The following CENPI variants were observed in gnomAD, a reference collection of about 807,000 sequenced individuals.
CENPI encodes the protein centromere protein I, also known as FSH primary response 1.
Under a neutral mutation model 60.4 loss-of-function variants are expected in CENPI, and 4 were observed. The observed-to-expected ratio is 0.07, with a 90% confidence interval of 0.03 to 0.15. CENPI has a LOEUF of 0.15. Ranked by LOEUF, CENPI falls within the 10% of genes least tolerant of loss-of-function variation. The probability of loss-of-function intolerance (pLI) is 1.00; values close to 1 mark genes in which losing one functional copy is unlikely to be tolerated. For synonymous variants in CENPI, 157 were observed against 189.4 expected (o/e 0.83, Z 1.40); for missense variants, 444 against 534.5 (o/e 0.83, Z 1.67).
At chrX:101,099,600 A>G (rs1035277071) in intron 2 of CENPI, among the ~76,000 whole-genome samples, 3 of 109,240 alleles carry the variant, frequency 2.7e-5, no homozygotes, top group Middle Eastern at 4.7e-3. Context: ...TTCTCTCTCC[A>G]TGAAATACTC....
chrX:101,105,779 G>A (rs192455171), intron 4 of CENPI, among the ~76,000 whole-genome samples: 1 of 111,453 alleles, frequency 9.0e-6, no homozygotes, highest in African/African-American at 3.3e-5. Context: ...AGGTTATCTT[G>A]ATGTCTGCTA....
chrX:101,180,705 C>G, the CENPI span, among the ~76,000 whole-genome samples: 1 of 111,719 alleles, frequency 9.0e-6, no homozygotes, highest in Non-Finnish European at 1.9e-5. Context: ...TCATTGTTTT[C>G]TTCTGAGAGT....
At position 101,165,636 on chromosome X, in the gene CENPI, A is replaced by C. The variant is rs942178148; in HGVS notation, c.*2669A>C. ...ACCATGACTTTGGATGAGATCACCT[A>C]GTACAGCTAGAGAAGAGAAGGTAGC... On this transcript the variant is annotated 3_prime_UTR_variant, in exon 22 of 22. Coordinates refer to ENST00000682095, the MANE Select transcript of CENPI (RefSeq NM_001386188.2). 2.7e-5 allele frequency among the ~76,000 whole-genome samples: 3 copies of C among 111,587 alleles called. No homozygotes were observed. The highest frequency in any genetic ancestry group is 9.8e-5 in the African/African-American group (3 of 30,733).
chrX:101,123,410 A>G (rs1006333003), intron 8 of CENPI, among the ~76,000 whole-genome samples: 3 of 110,884 alleles, frequency 2.7e-5, no homozygotes, highest in Non-Finnish European at 5.7e-5. Flanking sequence ...CAATCTTTAG[A>G]ACAAGAAGGG....
intron 2 of CENPI, 114 bp downstream of exon 2, chrX:101,098,653 A>G (rs750302076): frequency 9.0e-6 from 1 of 111,303 alleles, no homozygotes; most frequent in South Asian, 3.8e-4. Context: ...ATCACGGCCT[A>G]CTTTGTCTAA....
the CENPI span, among the ~76,000 whole-genome samples, chrX:101,179,758 G>T: frequency 8.9e-6 from 1 of 112,529 alleles, no homozygotes; most frequent in East Asian, 2.8e-4. Flanking sequence ...CTGACCTGGT[G>T]ATCTGCCCGC....
intron 18 of CENPI, among the ~76,000 whole-genome samples, chrX:101,147,368 A>G (rs138786997): frequency 0.012 from 1,285 of 110,136 alleles, 7 homozygotes; most frequent in Middle Eastern, 0.084. Flanking sequence ...ATTTGTCTCA[A>G]TGCTCTTCCT....
At chrX:101,142,227 A>T (rs747867314) in intron 16 of CENPI, among the ~76,000 whole-genome samples, 42 of 111,930 alleles carry the variant, frequency 3.8e-4, no homozygotes, top group African/African-American at 1.3e-3. Context: ...CTGCCTTACA[A>T]TTTCTGTATT....
the CENPI span, among the ~76,000 whole-genome samples, chrX:101,174,062 C>A: frequency 4.5e-5 from 5 of 111,942 alleles, no homozygotes; most frequent in Admixed American, 3.8e-4. Context: ...TCACACCAGT[C>A]AGAATGACTA....
chrX:101,161,454 G>A, intron 20 of CENPI, 74 bp from the exon 21 acceptor site: 4 of 942,147 alleles, frequency 4.2e-6, no homozygotes, highest in Non-Finnish European at 3.0e-6. Context: ...TACTAACCAA[G>A]TATTTCTATC....
rs2090140533 is a variant in CENPI at position 101,165,456 on chromosome X, C to CA, written c.*2490dup. Among the ~76,000 whole-genome samples, 1 of 111,569 alleles carries CA rather than the reference C, an allele frequency of 9.0e-6. No individual in the cohort carries two copies. Among genetic ancestry groups the CA allele is most frequent in the African/African-American group, 3.3e-5 (1 of 30,705 alleles). On this transcript the variant is annotated 3_prime_UTR_variant, in exon 22 of 22. Coordinates refer to ENST00000682095, the MANE Select transcript of CENPI (RefSeq NM_001386188.2). ...AAAAGGAGAGGAGTAAAGGATGACT[C>CA]AGATTTTTGACCTGTCAATTGGGTG...
chrX:101,166,576 T>C (rs1363572752), downstream of CENPI, among the ~76,000 whole-genome samples: 1 of 112,839 alleles, frequency 8.9e-6, no homozygotes, highest in Non-Finnish European at 1.9e-5. Context: ...AAATAAAGAA[T>C]AGCTATTTTG....
At chrX:101,131,213 G>A (rs777788005) in intron 13 of CENPI, among the ~76,000 whole-genome samples, 2 of 110,871 alleles carry the variant, frequency 1.8e-5, no homozygotes, top group Non-Finnish European at 3.8e-5. Context: ...GATTTACCAC[G>A]TTGCCCAGGC....
intron 4 of CENPI, among the ~76,000 whole-genome samples, chrX:101,106,092 T>C (rs1410853561): frequency 2.7e-5 from 3 of 111,517 alleles, no homozygotes; most frequent in African/African-American, 9.8e-5. Flanking sequence ...TTAGACTCTT[T>C]AAAAATTAAG....
At chrX:101,101,869 T>G (rs2089420728) in intron 3 of CENPI, among the ~76,000 whole-genome samples, 1 of 112,746 alleles carries the variant, frequency 8.9e-6, no homozygotes, top group African/African-American at 3.2e-5. Context: ...GGGAAGACAC[T>G]TCTTACATAA....
At chrX:101,155,478 C>T (rs1403348034) in intron 20 of CENPI, among the ~76,000 whole-genome samples, 1 of 111,891 alleles carries the variant, frequency 8.9e-6, no homozygotes, top group Non-Finnish European at 1.9e-5. Context: ...ATGTGAGCCA[C>T]CACACCTGGC....
intron 2 of CENPI, chrX:101,100,814 C>G: frequency 2.9e-6 from 1 of 350,547 alleles, no homozygotes; most frequent in South Asian, 7.0e-5. Context: ...GTTTTTTCCA[C>G]TAGAAAGCTA....
At chrX:101,109,115 C>T (rs193262168) in intron 4 of CENPI, among the ~76,000 whole-genome samples, 1,080 of 57,237 alleles carry the variant, frequency 0.019, 7 homozygotes, top group Middle Eastern at 0.091. Flanking sequence ...GAGTTTTGGT[C>T]TTGTTGTCCA....
At chrX:101,115,653 T>C (rs1213739071) in intron 6 of CENPI, among the ~76,000 whole-genome samples, 1 of 111,980 alleles carries the variant, frequency 8.9e-6, no homozygotes. Flanking sequence ...TGTGAGGCAC[T>C]GTGCCTGACT....
Sources: gnomAD v4.1 joint callset for allele counts (sites outside exome capture counted in the v4.1 genomes callset) on GRCh38, gnomAD v4.1.1 for gene constraint, MANE v1.5 for transcripts, NCBI Gene and HGNC (gene_info 2026-07-23, HGNC 2026-07-21) for gene names.